Variants in GALNT13 observed in about 807,000 individuals in gnomAD.
GALNT13 encodes UDP-GalNAc:polypeptide N-acetylgalactosaminyltransferase 13.
GALNT13 carries 28 observed loss-of-function variants against 64.2 expected under a neutral mutation model. The ratio of observed to expected loss-of-function variants is 0.44; its 90% CI spans 0.32 to 0.60. The LOEUF (loss-of-function observed/expected upper bound fraction) is 0.60. GALNT13 is among the 20% of genes least tolerant of loss of function. The probability of loss-of-function intolerance (pLI) is 0.05; values close to 1 mark genes in which losing one functional copy is unlikely to be tolerated. For synonymous variants in GALNT13, 214 were observed against 224.6 expected, an observed-to-expected ratio of 0.95 and a Z score of 0.42; for missense variants, 577 against 669.8, an observed-to-expected ratio of 0.86 and a Z score of 1.53.
chr2:154,367,201 A>T (rs1697418135), intron 9 of GALNT13, among the ~76,000 whole-genome samples: 1 of 152,140 alleles, frequency 6.6e-6, no homozygotes, highest in South Asian at 2.1e-4. Context: ...ATTCGAACAT[A>T]AGCAAGATCA....
chr2:154,009,600 C>T (rs928356502), intron 3 of GALNT13, among the ~76,000 whole-genome samples: 3 of 151,046 alleles, frequency 2.0e-5, no homozygotes, highest in African/African-American at 7.3e-5. Context: ...AACCAGTTAT[C>T]CTATCTCACC....
chr2:153,972,704 T>G (rs1167752022), intron 3 of GALNT13, among the ~76,000 whole-genome samples: 1 of 151,990 alleles, frequency 6.6e-6, no homozygotes, highest in Non-Finnish European at 1.5e-5. Flanking sequence ...ATAAGGAAAT[T>G]TATTGCTTCA....
At chr2:153,353,843 G>T in the GALNT13 span, among the ~76,000 whole-genome samples, 1 of 152,068 alleles carries the variant, frequency 6.6e-6, no homozygotes, top group Non-Finnish European at 1.5e-5. Flanking sequence ...CTTTGGATTT[G>T]ATTTGTTAGT....
chr2:153,235,688 T>C, the GALNT13 span, among the ~76,000 whole-genome samples: 2 of 152,116 alleles, frequency 1.3e-5, no homozygotes, highest in Non-Finnish European at 2.9e-5. Context: ...TAAAGGATGG[T>C]CTAACCATGA....
At chr2:153,970,234 A>G (rs1354741210) in intron 3 of GALNT13, among the ~76,000 whole-genome samples, 2 of 152,214 alleles carry the variant, frequency 1.3e-5, no homozygotes, top group African/African-American at 4.8e-5. Context: ...GCTTTTATTA[A>G]TACCACTTAT....
chr2:153,500,913 ATATAT>A, the GALNT13 span, among the ~76,000 whole-genome samples: 1 of 152,180 alleles, frequency 6.6e-6, no homozygotes, highest in Non-Finnish European at 1.5e-5. Flanking sequence ...ATTTTGGAAC[ATATAT>A]TAATATTATT....
At chr2:154,050,211 T>C (rs1314886028) in intron 3 of GALNT13, among the ~76,000 whole-genome samples, 2 of 152,160 alleles carry the variant, frequency 1.3e-5, no homozygotes, top group African/African-American at 4.8e-5. Flanking sequence ...TACATGACTT[T>C]TTAAAATTTC....
At chr2:153,252,952 G>C in the GALNT13 span, among the ~76,000 whole-genome samples, 8 of 151,956 alleles carry the variant, frequency 5.3e-5, no homozygotes, top group Admixed American at 3.9e-4. Context: ...TGGCGATGCA[G>C]GCTCTTTTTT....
At chr2:153,549,319 C>G in the GALNT13 span, among the ~76,000 whole-genome samples, 4 of 152,296 alleles carry the variant, frequency 2.6e-5, no homozygotes, top group East Asian at 7.7e-4. Context: ...TACTTGAGAA[C>G]AGTAAAGTTC....
the GALNT13 span, among the ~76,000 whole-genome samples, chr2:153,541,486 CCTT>C: frequency 2.0e-5 from 3 of 152,188 alleles, no homozygotes; most frequent in Non-Finnish European, 2.9e-5. Context: ...AAACTAGAAT[CCTT>C]CTTCTCCAGT....
chr2:153,741,106 A>C, the GALNT13 span, among the ~76,000 whole-genome samples: 1 of 152,248 alleles, frequency 6.6e-6, no homozygotes, highest in South Asian at 2.1e-4. Flanking sequence ...AGCTTCTTCT[A>C]TCCATATTTC....
intron 3 of GALNT13, among the ~76,000 whole-genome samples, chr2:154,042,198 C>T (rs1232433753): frequency 7.2e-6 from 1 of 139,642 alleles, no homozygotes; most frequent in Admixed American, 7.2e-5. Flanking sequence ...CCTGAATATC[C>T]ATTTTCACTT....
intron 3 of GALNT13, among the ~76,000 whole-genome samples, chr2:154,088,537 C>T (rs1326110342): frequency 9.2e-5 from 14 of 152,100 alleles, no homozygotes; most frequent in Non-Finnish European, 1.9e-4. Context: ...CTGCAACCTC[C>T]GCCTCCCAGG....
At chr2:153,303,268 A>C in the GALNT13 span, among the ~76,000 whole-genome samples, 5 of 151,958 alleles carry the variant, frequency 3.3e-5, no homozygotes, top group African/African-American at 1.2e-4. Flanking sequence ...TCCTTGGTGA[A>C]ATTTGCTCCT....
chr2:154,402,954 G>A (rs1481476164), intron 10 of GALNT13, among the ~76,000 whole-genome samples: 4 of 152,084 alleles, frequency 2.6e-5, no homozygotes. Flanking sequence ...TCTCCCATAT[G>A]CTAGTATTGA....
intron 3 of GALNT13, among the ~76,000 whole-genome samples, chr2:154,007,129 T>A (rs906122279): frequency 6.6e-6 from 1 of 152,212 alleles, no homozygotes; most frequent in Non-Finnish European, 1.5e-5. Context: ...AGAGAGACGC[T>A]CTTACTGGCC....
the GALNT13 span, among the ~76,000 whole-genome samples, chr2:153,601,913 A>G: frequency 6.6e-6 from 1 of 151,932 alleles, no homozygotes; most frequent in Non-Finnish European, 1.5e-5. Context: ...TATGTAGTCA[A>G]ATGGGATTTA....
chr2:154,029,695 T>C (rs1201292507), intron 3 of GALNT13, among the ~76,000 whole-genome samples: 1 of 152,144 alleles, frequency 6.6e-6, no homozygotes, highest in East Asian at 1.9e-4. Context: ...ATGGGCACAC[T>C]GCCAAAATAA....
the GALNT13 span, among the ~76,000 whole-genome samples, chr2:153,737,165 A>C: frequency 6.6e-6 from 1 of 152,206 alleles, no homozygotes; most frequent in Non-Finnish European, 1.5e-5. Flanking sequence ...GGGAGGAAGA[A>C]AGGAGCACAG....
Sources: gnomAD v4.1 joint callset for allele counts (sites outside exome capture counted in the v4.1 genomes callset) on GRCh38, gnomAD v4.1.1 for gene constraint, MANE v1.5 for transcripts, NCBI Gene and HGNC (gene_info 2026-07-23, HGNC 2026-07-21) for gene names.